ABR: variants seen among roughly 807,000 people sequenced by gnomAD.
The protein encoded by ABR is active breakpoint cluster region-related protein.
In ABR, 35 loss-of-function variants were observed where a neutral mutation model predicts 107.2. The observed-to-expected ratio is 0.33, with a 90% CI of 0.25 to 0.43. The LOEUF (loss-of-function observed/expected upper bound fraction) is 0.43. Among genes scored for constraint, ABR ranks in the 20% least tolerant of loss-of-function variants. The pLI, the probability that ABR is intolerant of heterozygous loss-of-function variation, is 1.00. For missense variants in ABR, 815 were observed against 1,115.2 expected, an observed-to-expected ratio of 0.73 and a Z score of 3.83; for synonymous variants, 498 against 462.0, an observed-to-expected ratio of 1.08 and a Z score of -1.00.
rs782238294 is a variant in ABR at position 1,152,282 on chromosome 17, CA to C, written c.62-26916del. On this transcript the variant is annotated intron_variant, in intron 1 of 22. Transcript: ENST00000302538. Reference sequence around the variant, plus strand: ...TGGGCTACAGAGCGAGACTCTGTCTCAAAAAAAAAAAAAAAAAGACAGGACA... The same window carrying C: ...TGGGCTACAGAGCGAGACTCTGTCTCAAAAAAAAAAAAAAAAGACAGGACA... Among the ~76,000 whole-genome samples, 453 of 126,966 alleles carry C rather than the reference CA, an allele frequency of 3.6e-3. 4 individuals are homozygous for C. Among genetic ancestry groups the C allele is most frequent in the African/African-American group, 0.011 (376 of 34,950 alleles). 83.3% of individuals were successfully genotyped at this position (126,966 alleles called of 152,430 possible). A position where few individuals can be genotyped will look rare whatever the true frequency, so the allele number is the denominator to read the frequency against.
At chr17:1,012,839 A>T (rs1463432500) in intron 17 of ABR, 42 bp from the exon 18 acceptor site, 1 of 1,497,480 alleles carries the variant, frequency 6.7e-7, no homozygotes, top group Admixed American at 2.0e-5. Context: ...CCAGGGTGTG[A>T]GTGCCCGAGG....
intron 14 of ABR, among the ~76,000 whole-genome samples, chr17:1,052,083 A>C (rs1042738965): frequency 7.4e-4 from 113 of 151,768 alleles, no homozygotes; most frequent in African/African-American, 2.7e-3. Flanking sequence ...AAAAAAAAAA[A>C]ACCAAAAAAA....
At chr17:1,068,951 CAATA>C (rs1258670803) in intron 9 of ABR, among the ~76,000 whole-genome samples, 1 of 152,218 alleles carries the variant, frequency 6.6e-6, no homozygotes, top group East Asian at 1.9e-4. Context: ...CATAAACCCT[CAATA>C]AATAGTAGCA....
intron 2 of ABR, among the ~76,000 whole-genome samples, chr17:1,115,812 G>A (rs1019343426): frequency 1.3e-4 from 20 of 151,608 alleles, no homozygotes; most frequent in Non-Finnish European, 2.5e-4. Context: ...TGTAATCCCC[G>A]CTACTAGGGA....
At chr17:1,013,082 G>C (rs1166357360) in intron 17 of ABR, 23 bp downstream of exon 17, 1 of 1,613,236 alleles carries the variant, frequency 6.2e-7, no homozygotes, top group African/African-American at 1.3e-5. Context: ...TCACGCCACT[G>C]ATCATTCCCA....
chr17:1,101,896 G>A, intron 2 of ABR, among the ~76,000 whole-genome samples: 1 of 152,014 alleles, frequency 6.6e-6, no homozygotes, highest in Non-Finnish European at 1.5e-5. Flanking sequence ...ACCACGCCCA[G>A]CTAACTTTTT....
intron 16 of ABR, among the ~76,000 whole-genome samples, chr17:1,029,343 GTGTCCC>G: frequency 6.6e-6 from 1 of 152,208 alleles, no homozygotes; most frequent in East Asian, 1.9e-4. Context: ...TCCTCCGTGA[GTGTCCC>G]TGCCTCCTCT....
intron 16 of ABR, among the ~76,000 whole-genome samples, chr17:1,041,316 A>T (rs2030431601): frequency 6.6e-6 from 1 of 152,246 alleles, no homozygotes; most frequent in African/African-American, 2.4e-5. Context: ...GTAAACAGAA[A>T]CAAGTGAGTG....
intron 1 of ABR, among the ~76,000 whole-genome samples, chr17:1,135,370 TTTTTGTC>T (rs1163729880): frequency 1.0e-3 from 110 of 110,362 alleles, no homozygotes; most frequent in African/African-American, 2.3e-3. Flanking sequence ...ATTCTTTTTC[TTTTTGTC>T]TTTTTTTTTT....
At chr17:1,153,222 C>T (rs1530371) in intron 1 of ABR, among the ~76,000 whole-genome samples, 54,692 of 152,150 alleles carry the variant, frequency 0.36, 10,802 homozygotes, top group East Asian at 0.63. Flanking sequence ...CCTTCCCCCA[C>T]AACTAGGCAG....
chr17:1,014,416 G>A (rs925409176), intron 16 of ABR, among the ~76,000 whole-genome samples: 1 of 150,012 alleles, frequency 6.7e-6, no homozygotes, highest in African/African-American at 2.5e-5. Flanking sequence ...ACTCCAGCCT[G>A]GGCGACAGAG....
chr17:1,044,851 C>T (rs992517094), intron 16 of ABR, among the ~76,000 whole-genome samples: 5 of 152,312 alleles, frequency 3.3e-5, no homozygotes, highest in African/African-American at 9.6e-5. Flanking sequence ...TCTGCGGAAG[C>T]GGAGCCTGCG....
chr17:1,128,171 C>G (rs913471002), intron 1 of ABR, among the ~76,000 whole-genome samples: 9 of 152,286 alleles, frequency 5.9e-5, no homozygotes, highest in Admixed American at 5.2e-4. Flanking sequence ...TTTCTGCCCC[C>G]ACAAAACCAT....
At chr17:1,099,685 C>T (rs1204329440) in intron 3 of ABR, among the ~76,000 whole-genome samples, 1 of 152,206 alleles carries the variant, frequency 6.6e-6, no homozygotes, top group Non-Finnish European at 1.5e-5. Context: ...CACCTCACAT[C>T]TGTGTAGTAC....
chr17:1,171,787 C>T (rs1039341249), intron 1 of ABR, among the ~76,000 whole-genome samples: 8 of 152,114 alleles, frequency 5.3e-5, no homozygotes, highest in South Asian at 2.1e-4. Flanking sequence ...CAAAATTAGC[C>T]GGGCGTGGTG....
Position 1,010,517 on chromosome 17 carries a change from G to A in ABR, c.2236+212C>T. ...AGGGGCTGCCCATGGGGACATCAGG[G>A]GCAAGAGGCAGGCGAGAAAGGGCCC... On this transcript the variant is annotated intron_variant, in intron 20 of 22. Transcript: ENST00000302538. The surrounding 1 kb of genome is among the most constrained non-coding windows in gnomAD (Gnocchi z 4.1). The A allele has an allele frequency of 1.6e-6, 1 of 621,322 alleles. No homozygotes were observed. Among genetic ancestry groups the A allele is most frequent in the Non-Finnish European group, 2.7e-6 (1 of 363,690 alleles). The allele number at this position is 621,322 out of a possible 1,614,324, so 38.5% of individuals were successfully genotyped here. A position where few individuals can be genotyped will look rare whatever the true frequency, so the allele number is the denominator to read the frequency against.
In ABR at chr17:1,148,456, G is replaced by A. The variant is rs777051938; in HGVS notation, c.62-23089C>T. On this transcript the variant is annotated intron_variant, in intron 1 of 22. Coordinates refer to ENST00000302538, the MANE Select transcript of ABR (RefSeq NM_021962.5). The surrounding 1 kb of genome is among the most constrained non-coding windows in gnomAD (Gnocchi z 4.9). ...GGGGCTGGAGAAACGGGGAGCTGTT[G>A]TTCAATACAGGGGTCCCCAGCCCCC... 1.5e-4 allele frequency among the ~76,000 whole-genome samples: 23 copies of A among 152,184 alleles called. No individual in the cohort carries two copies. Among genetic ancestry groups the A allele is most frequent in the Non-Finnish European group, 3.2e-4 (22 of 68,032 alleles).
At chr17:1,077,098 C>T (rs2035798707) in intron 6 of ABR, among the ~76,000 whole-genome samples, 1 of 152,198 alleles carries the variant, frequency 6.6e-6, no homozygotes, top group African/African-American at 2.4e-5. Context: ...CAACTGAGGC[C>T]AGAGACTTGT....
intron 1 of ABR, among the ~76,000 whole-genome samples, chr17:1,175,336 G>C (rs539502088): frequency 2.2e-4 from 33 of 152,102 alleles, no homozygotes; most frequent in East Asian, 9.7e-4. Context: ...CGCTTGAACC[G>C]GGGAGGCGGA....
Sources: gnomAD v4.1 joint callset for allele counts (sites outside exome capture counted in the v4.1 genomes callset) on GRCh38, gnomAD v4.1.1 for gene constraint, Gnocchi (gnomAD v3.1) non-coding constraint, MANE v1.5 for transcripts, NCBI Gene and HGNC (gene_info 2026-07-23, HGNC 2026-07-21) for gene names.